The following OR4P4 variants were observed in gnomAD, a reference collection of about 807,000 sequenced individuals.
OR4P4 encodes olfactory receptor 4P4.
A neutral mutation model predicts 2.1 loss-of-function variants in OR4P4; 1 was observed. The observed-to-expected ratio is 0.47, with a 90% CI of 0.17 to 2.21. OR4P4 has a LOEUF of 2.21. OR4P4 is among the 30% of genes most tolerant of loss of function. The pLI is 0.27. For synonymous variants in OR4P4, 129 were observed against 133.2 expected, an observed-to-expected ratio of 0.97 and a Z score of 0.22; for missense variants, 375 against 376.5, an observed-to-expected ratio of 1.00 and a Z score of 0.03.
exon 2 of OR4P4, chr11:55,638,988 G>T: frequency 6.7e-7 from 1 of 1,489,216 alleles, no homozygotes; most frequent in Non-Finnish European, 9.1e-7. Context: ...GACATTTGTT[G>T]TCTTGTTGTT....
chr11:55,638,231 G>A (rs1858410698), intron 1 of OR4P4, 97 bp from the exon 2 acceptor site: 2 of 544,146 alleles, frequency 3.7e-6, no homozygotes, highest in Non-Finnish European at 6.3e-6. Flanking sequence ...TGAACCACTT[G>A]AATGAGGTAA....
Position 55,639,081 on chromosome 11 carries a change from G to T in OR4P4, c.724G>T (p.Val242Leu), listed in dbSNP as rs1858427371. 2 of 1,492,438 alleles carry T rather than the reference G, an allele frequency of 1.3e-6. 1 individual carries two copies. 92.4% of individuals were successfully genotyped at this position (1,492,438 alleles called of 1,614,324 possible). Residue 242 changes from valine (V) to leucine (L), a missense_variant, in exon 2 of 2, where the codon GTA (valine) becomes TTA (leucine). Coordinates refer to ENST00000641760, the Ensembl canonical transcript of OR4P4. The stretch of plus-strand genomic sequence containing the variant: ...AGCTCTTGCCACTTGTAGTTCTCAT[G>T]TAATTGTTGTGGTCCTGTTTTTTGC...
chr11:55,636,008 C>A (rs1345035575), intron 1 of OR4P4, among the ~76,000 whole-genome samples: 5 of 137,708 alleles, frequency 3.6e-5, no homozygotes, highest in African/African-American at 1.0e-4. Flanking sequence ...GCTGTTACAA[C>A]TCTTGAGAGA....
rs530471876 is a variant in OR4P4, at chr11:55,636,095, G to C, written c.-31+879G>C. Among the ~76,000 whole-genome samples the C allele has an allele frequency of 1.6e-4, 22 of 137,756 alleles. 5 individuals are homozygous for C. In the South Asian group the frequency reaches 4.2e-3, roughly 27 times the overall value. 90.4% of individuals were successfully genotyped at this position (137,756 alleles called of 152,430 possible). The stretch of plus-strand genomic sequence containing the variant: ...GAGAAGAGTTCTTAGATAGAATTGA[G>C]GCTAGTGTCCTCATTTTGCAGAAAG... On this transcript the variant is annotated intron_variant, in intron 1 of 1. Coordinates refer to ENST00000641760, the Ensembl canonical transcript of OR4P4.
rs1158490202 is a variant in OR4P4, at chr11:55,637,341, G to A, written c.-30-987G>A. Among the ~76,000 whole-genome samples, 2 of 138,084 alleles carry A rather than the reference G, an allele frequency of 1.4e-5. 1 individual carries two copies. The highest frequency in any genetic ancestry group is 5.0e-5 in the African/African-American group (2 of 39,936). The allele number at this position is 138,084 out of a possible 152,430, so 90.6% of individuals were successfully genotyped here. A position where few individuals can be genotyped will look rare whatever the true frequency, so the allele number is the denominator to read the frequency against. The stretch of plus-strand genomic sequence containing the variant: ...GGAAATGTATAAGAAGCAATTTTAA[G>A]AATAATTCAAACTAGTAGTGTATTC... On this transcript the variant is annotated intron_variant, in intron 1 of 1. Coordinates refer to ENST00000641760, the Ensembl canonical transcript of OR4P4.
At chr11:55,636,961 A>G (rs1314358722) in intron 1 of OR4P4, among the ~76,000 whole-genome samples, 2 of 137,720 alleles carry the variant, frequency 1.5e-5, no homozygotes, top group African/African-American at 5.0e-5. Flanking sequence ...CCAAATTATA[A>G]AGCATGATTA....
In OR4P4 at chr11:55,636,048, G is replaced by C. The variant is rs1325101298; in HGVS notation, c.-31+832G>C. On this transcript the variant is annotated intron_variant, in intron 1 of 1. Transcript: ENST00000641760. ...CTGAAAAACTTTGACAAAAAAGAAA[G>C]TAATTCTGAAAATGATATTGTGAGA... Among the ~76,000 whole-genome samples, 2 of 137,980 alleles carry C rather than the reference G, an allele frequency of 1.4e-5. 1 individual carries two copies. The highest frequency in any genetic ancestry group is 3.2e-5 in the Non-Finnish European group (2 of 61,762). The allele number at this position is 137,980 out of a possible 152,430, so 90.5% of individuals were successfully genotyped here.
chr11:55,639,091 T>G (rs1858427666), exon 2 of OR4P4: 1 of 1,493,188 alleles, frequency 6.7e-7, no homozygotes, highest in African/African-American at 1.4e-5. Flanking sequence ...GTAATTGTTG[T>G]GGTCCTGTTT....
exon 2 of OR4P4, chr11:55,638,507 C>T: frequency 1.3e-6 from 2 of 1,485,190 alleles, no homozygotes; most frequent in Non-Finnish European, 1.8e-6. Context: ...TCACGTGCAC[C>T]CAGCTCATTC....
exon 2 of OR4P4, chr11:55,639,589 T>A (rs879359806): frequency 3.8e-6 from 1 of 262,532 alleles, no homozygotes; most frequent in Non-Finnish European, 7.0e-6. Context: ...AAACAGATTA[T>A]GTGTTTTTTG....
chr11:55,638,501 G>T lies in OR4P4; in HGVS notation c.144G>T (p.Thr48=), dbSNP rs745780696. 3.4e-6 allele frequency: 5 copies of T among 1,483,084 alleles called. 2 individuals are homozygous for T. Among genetic ancestry groups the T allele is most frequent in the Non-Finnish European group, 3.7e-6 (4 of 1,089,852 alleles). 91.9% of individuals were successfully genotyped at this position (1,483,084 alleles called of 1,614,324 possible). Residue 48 remains threonine, a synonymous_variant, in exon 2 of 2, where the codon ACG becomes ACT. Coordinates refer to ENST00000641760, the Ensembl canonical transcript of OR4P4. ...ACTTACTCATAATGATTTCTATCAC[G>T]TGCACCCAGCTCATTCACCAACCCA... is the stretch of plus-strand genomic sequence containing the variant.
At chr11:55,639,508 C>A in exon 2 of OR4P4, 1 of 376,270 alleles carries the variant, frequency 2.7e-6, no homozygotes, top group Non-Finnish European at 4.7e-6. Context: ...TACGATTGTG[C>A]TTATGTGACA....
In OR4P4 at chr11:55,638,499, A is replaced by ACG. The variant is rs754344791; in HGVS notation, c.143_144dup (p.Cys49ArgfsTer28). ...AAACTTACTCATAATGATTTCTATCACGTGCACCCAGCTCATTCACCAACC... is the reference window on the plus strand; with the variant it reads ...AAACTTACTCATAATGATTTCTATCACGCGTGCACCCAGCTCATTCACCAACC... On this transcript the variant is annotated frameshift_variant, in exon 2 of 2. Coordinates refer to ENST00000641760, the Ensembl canonical transcript of OR4P4. LOFTEE classifies it low-confidence loss of function (END_TRUNC). 2 of 1,483,554 alleles carry ACG rather than the reference A, an allele frequency of 1.3e-6. No individual in the cohort carries two copies. Among genetic ancestry groups the ACG allele is most frequent in the South Asian group, 2.4e-5 (2 of 84,584 alleles). The allele number at this position is 1,483,554 out of a possible 1,614,324, so 91.9% of individuals were successfully genotyped here.
exon 2 of OR4P4, chr11:55,640,170 T>C (rs1858440951): frequency 7.4e-6 from 1 of 134,824 alleles, no homozygotes; most frequent in South Asian, 2.4e-4. Context: ...ATAATAATAA[T>C]AATAATGTTT....
intron 1 of OR4P4, among the ~76,000 whole-genome samples, chr11:55,637,765 G>GTCATCT (rs952353118): frequency 7.2e-6 from 1 of 138,132 alleles, no homozygotes; most frequent in African/African-American, 2.5e-5. Flanking sequence ...ATAATTCAGT[G>GTCATCT]TCATCTTTGC....
chr11:55,640,261 G>A (rs1858442732), exon 2 of OR4P4: 1 of 136,416 alleles, frequency 7.3e-6, no homozygotes, highest in East Asian at 2.4e-4. Context: ...TTTCATTTGT[G>A]AGTCATTTCT....
rs1401084490 is a variant in OR4P4, at chr11:55,636,364, A to G, written c.-31+1148A>G. Reference sequence around the variant, plus strand: ...TGAACTGATTCAGTTTGTGTTTTTAATAAATACTTTGGCCTAATTTATAGT... The same window carrying G: ...TGAACTGATTCAGTTTGTGTTTTTAGTAAATACTTTGGCCTAATTTATAGT... On this transcript the variant is annotated intron_variant, in intron 1 of 1. Coordinates refer to ENST00000641760, the Ensembl canonical transcript of OR4P4. 1.4e-5 allele frequency among the ~76,000 whole-genome samples: 2 copies of G among 138,194 alleles called. 1 individual carries two copies. The highest frequency in any genetic ancestry group is 3.2e-5 in the Non-Finnish European group (2 of 61,868). 90.7% of individuals were successfully genotyped at this position (138,194 alleles called of 152,430 possible).
At position 55,639,493 on chromosome 11, in the gene OR4P4, A is replaced by T. The variant is rs534233631; in HGVS notation, c.*197A>T. 1.2e-5 allele frequency: 5 copies of T among 431,708 alleles called. 1 individual carries two copies. Among genetic ancestry groups the T allele is most frequent in the Non-Finnish European group, 2.0e-5 (5 of 246,112 alleles). The allele number at this position is 431,708 out of a possible 1,614,324, so 26.7% of individuals were successfully genotyped here. On this transcript the variant is annotated 3_prime_UTR_variant, in exon 2 of 2. Coordinates refer to ENST00000641760, the Ensembl canonical transcript of OR4P4. ...TCCATACTCTCCTCCGCCTTTCTTA[A>T]TCATTACGATTGTGCTTATGTGACA...
At chr11:55,635,125 A>G (rs944721305) in exon 1 of OR4P4, 1 of 137,576 alleles carries the variant, frequency 7.3e-6, no homozygotes, top group Admixed American at 7.9e-5. Flanking sequence ...CTCAAATTGC[A>G]TAAACGGCAG....
Sources: allele counts gnomAD v4.1 joint callset (sites outside exome capture counted in the v4.1 genomes callset), GRCh38; gene constraint gnomAD v4.1.1; transcripts MANE v1.5; gene names NCBI Gene and HGNC (gene_info 2026-07-23, HGNC 2026-07-21).